The following CACNG7 variants were observed in gnomAD, a reference collection of about 807,000 sequenced individuals.
CACNG7 encodes voltage-dependent calcium channel gamma-7 subunit.
CACNG7 carries 9 observed loss-of-function variants against 26.3 expected under a neutral mutation model. That is an observed-to-expected ratio of 0.34 (90% CI 0.21 to 0.60). The LOEUF is 0.60. CACNG7 is among the 20% of genes least tolerant of loss of function. The probability of loss-of-function intolerance (pLI) is 0.81; values close to 1 mark genes in which losing one functional copy is unlikely to be tolerated. For missense variants in CACNG7, 297 were observed against 380.4 expected, an observed-to-expected ratio of 0.78 and a Z score of 1.82; for synonymous variants, 170 against 157.0, an observed-to-expected ratio of 1.08 and a Z score of -0.62.
intron 1 of CACNG7, among the ~76,000 whole-genome samples, chr19:53,911,522 G>A (rs557145411): frequency 2.4e-4 from 36 of 152,298 alleles, no homozygotes; most frequent in Middle Eastern, 3.4e-3. Flanking sequence ...TAGGGTTCTG[G>A]AGCTAGGTTC....
chr19:53,913,034 C>T lies in CACNG7; in HGVS notation c.196+7C>T. On this transcript the variant is annotated splice_region_variant and intron_variant, in intron 2 of 5. Transcript: ENST00000391767. The stretch of plus-strand genomic sequence containing the variant: ...CGAGTCTGCTTCTTTGCAGGTACAG[C>T]CCTCACCCGTCTTCCACTCAACAGT... The T allele has an allele frequency of 6.2e-7, 1 of 1,603,822 alleles. No homozygotes were observed. Among genetic ancestry groups the T allele is most frequent in the Non-Finnish European group, 8.5e-7 (1 of 1,172,080 alleles).
intron 4 of CACNG7, among the ~76,000 whole-genome samples, chr19:53,920,380 T>TCAGGTCTGGTCATTGGTGGACTTGCCC (rs1568773317): frequency 3.1e-5 from 2 of 63,574 alleles, no homozygotes; most frequent in Non-Finnish European, 2.8e-5. Flanking sequence ...TGGAGTTGCC[T>TCAGGTCTGGTCATTGGTGGACTTGCCC]CAGGTCTGGT....
At chr19:53,921,788 G>T (rs2068957557) in intron 4 of CACNG7, among the ~76,000 whole-genome samples, 1 of 103,562 alleles carries the variant, frequency 9.7e-6, no homozygotes. Flanking sequence ...GGTCATTGGT[G>T]GAGTTGTCCC....
intron 4 of CACNG7, among the ~76,000 whole-genome samples, chr19:53,926,900 A>T (rs1055884652): frequency 6.6e-6 from 1 of 152,168 alleles, no homozygotes; most frequent in Non-Finnish European, 1.5e-5. Context: ...TCGACAGAAC[A>T]AGACTCTGTC....
intron 4 of CACNG7, among the ~76,000 whole-genome samples, chr19:53,941,085 A>C (rs915907760): frequency 2.6e-5 from 4 of 151,896 alleles, no homozygotes; most frequent in Non-Finnish European, 5.9e-5. Context: ...GAGAGAAAAG[A>C]AAAGAAGACT....
rs866063392 is a variant in CACNG7 at position 53,915,461 on chromosome 19, G to A, written c.380G>A (p.Arg127Lys). 36 of 1,614,040 alleles carry A rather than the reference G, an allele frequency of 2.2e-5. No individual in the cohort carries two copies. Among genetic ancestry groups the A allele is most frequent in the Non-Finnish European group, 2.7e-5 (32 of 1,180,040 alleles). The stretch of plus-strand genomic sequence containing the variant: ...AACATCGGCCACATCCGCCCGCAGA[G>A]GACCATTCTGGCTTTTGTCTCTGGC... ...ISNIGHIRPQ[R>K]TILAFVSGIF... Residue 127 changes from arginine (R) to lysine (K), a missense_variant, in exon 4 of 6, where the codon AGG (arginine) becomes AAG (lysine). Physicochemically the swap from Arg to Lys is conservative, Grantham distance 26. Transcript: ENST00000391767.
intron 4 of CACNG7, among the ~76,000 whole-genome samples, chr19:53,929,620 C>CCAGCACTGACTTTTTAAA (rs2069057923): frequency 6.6e-6 from 1 of 152,000 alleles, no homozygotes; most frequent in Non-Finnish European, 1.5e-5. Context: ...CCATGCCTGG[C>CCAGCACTGACTTTTTAAA]TAATTTTTGT....
intron 4 of CACNG7, among the ~76,000 whole-genome samples, chr19:53,926,946 T>G (rs992318881): frequency 2.6e-5 from 4 of 152,102 alleles, no homozygotes; most frequent in Non-Finnish European, 5.9e-5. Flanking sequence ...TGCTGAGACC[T>G]TTTCTTTCCT....
At chr19:53,930,585 G>A (rs964551218) in intron 4 of CACNG7, among the ~76,000 whole-genome samples, 4 of 152,118 alleles carry the variant, frequency 2.6e-5, no homozygotes, top group Admixed American at 2.0e-4. Flanking sequence ...GTGTTAGCCA[G>A]GATGGTCTTG....
chr19:53,935,634 C>CTTTTTTTTTTTT lies in CACNG7; in HGVS notation c.425-5824_425-5813dup, dbSNP rs59884893. 2.9e-3 allele frequency among the ~76,000 whole-genome samples: 121 copies of CTTTTTTTTTTTT among 42,256 alleles called. 8 individuals carry two copies. Among genetic ancestry groups the CTTTTTTTTTTTT allele is most frequent in the Middle Eastern group, 0.042 (1 of 24 alleles). The allele number at this position is 42,256 out of a possible 152,430, so 27.7% of individuals were successfully genotyped here. ...CACCGCCCCCACCCTCCAATACTGTCTTTTTTTTTTTTTTTTTTTTTTTGA... is the reference window on the plus strand; with the variant it reads ...CACCGCCCCCACCCTCCAATACTGTCTTTTTTTTTTTTTTTTTTTTTTTTTTTTTTTTTTTGA... On this transcript the variant is annotated intron_variant, in intron 4 of 5. Coordinates refer to ENST00000391767, the MANE Select transcript of CACNG7 (RefSeq NM_031896.5).
At position 53,912,742 on chromosome 19, in the gene CACNG7, C is replaced by T; in HGVS notation, c.-29-61C>T. 1 of 1,348,732 alleles carries T rather than the reference C, an allele frequency of 7.4e-7. No individual in the cohort carries two copies. The highest frequency in any genetic ancestry group is 2.3e-5 in the East Asian group (1 of 43,294). 83.5% of individuals were successfully genotyped at this position (1,348,732 alleles called of 1,614,324 possible). ...TAGGGCCCAGCATCCCGGGTTGCTG[C>T]ATGGGGTCAAGCACTCTGGTCGGTC... On this transcript the variant is annotated intron_variant, in intron 1 of 5. Coordinates refer to ENST00000391767, the MANE Select transcript of CACNG7 (RefSeq NM_031896.5). This position sits in a 1 kb window ranked among gnomAD's most constrained non-coding sequence, Gnocchi z 4.6.
At position 53,940,329 on chromosome 19, in the gene CACNG7, C is replaced by G. The variant is rs1024491140; in HGVS notation, c.425-1141C>G. ...GTTTGAATGAATGTATATATATACA[C>G]AACACCAAGAACAGTGCCTGGCACA... On this transcript the variant is annotated intron_variant, in intron 4 of 5. Transcript: ENST00000391767. This position sits in a 1 kb window ranked among gnomAD's most constrained non-coding sequence, Gnocchi z 4.1. 6.6e-6 allele frequency among the ~76,000 whole-genome samples: 1 copy of G among 152,132 alleles called. No homozygotes were observed. Among genetic ancestry groups the G allele is most frequent in the African/African-American group, 2.4e-5 (1 of 41,428 alleles).
intron 4 of CACNG7, among the ~76,000 whole-genome samples, chr19:53,937,460 C>T (rs536460091): frequency 2.6e-5 from 4 of 152,236 alleles, no homozygotes; most frequent in South Asian, 2.1e-4. Context: ...TCTGACTACC[C>T]GGTTGATGAG....
intron 3 of CACNG7, 71 bp from the exon 4 acceptor site, chr19:53,915,294 G>C: frequency 2.5e-6 from 3 of 1,192,380 alleles, no homozygotes; most frequent in Non-Finnish European, 3.7e-6. Flanking sequence ...TGAGAGCAGA[G>C]GTCAAGGAAT....
intron 3 of CACNG7, 53 bp downstream of exon 3, chr19:53,914,639 C>T (rs770097054): frequency 3.7e-5 from 56 of 1,518,000 alleles, no homozygotes; most frequent in Middle Eastern, 1.7e-4. Flanking sequence ...ACAGCCGAGT[C>T]GTGGAGTCCT....
intron 4 of CACNG7, among the ~76,000 whole-genome samples, chr19:53,926,037 T>C (rs2069028505): frequency 6.6e-6 from 1 of 152,208 alleles, no homozygotes; most frequent in Non-Finnish European, 1.5e-5. Context: ...ATTCATTCAA[T>C]CTTCAGATGT....
intron 4 of CACNG7, among the ~76,000 whole-genome samples, chr19:53,928,077 A>G (rs115198461): frequency 0.18 from 26,182 of 146,230 alleles, 2,909 homozygotes; most frequent in African/African-American, 0.32. Flanking sequence ...GGGAGGGGAG[A>G]AAAAGAGAAA....
chr19:53,918,409 G>A (rs2068912095), intron 4 of CACNG7, among the ~76,000 whole-genome samples: 1 of 152,068 alleles, frequency 6.6e-6, no homozygotes, highest in Non-Finnish European at 1.5e-5. Flanking sequence ...GACTATTTGT[G>A]GACTCTCAAA....
At chr19:53,933,622 A>T (rs2069087476) in intron 4 of CACNG7, among the ~76,000 whole-genome samples, 1 of 151,328 alleles carries the variant, frequency 6.6e-6, no homozygotes, top group Non-Finnish European at 1.5e-5. Context: ...TTTTCTTGTA[A>T]GCCAAGATCT....
Sources: allele counts gnomAD v4.1 joint callset (sites outside exome capture counted in the v4.1 genomes callset), GRCh38; gene constraint gnomAD v4.1.1; non-coding constraint Gnocchi (gnomAD v3.1); transcripts MANE v1.5; gene names NCBI Gene and HGNC (gene_info 2026-07-23, HGNC 2026-07-21).